Variants in ANO7 observed in about 807,000 individuals in gnomAD.
The protein encoded by ANO7 is anoctamin-7.
ANO7 carries 114 observed loss-of-function variants against 115.8 expected under a neutral mutation model. The ratio of observed to expected loss-of-function variants is 0.98; its 90% CI spans 0.85 to 1.15. The LOEUF (loss-of-function observed/expected upper bound fraction) is 1.15, where lower values mean the gene tolerates loss of function less well. Among genes scored for constraint, ANO7 ranks in the 50% most tolerant of loss-of-function variants. ANO7 has a pLI of 0.00. For synonymous variants in ANO7, 550 were observed against 498.2 expected, an observed-to-expected ratio of 1.10 and a Z score of -1.38; for missense variants, 1,302 against 1,201.2, an observed-to-expected ratio of 1.08 and a Z score of -1.24.
intron 3 of ANO7, among the ~76,000 whole-genome samples, chr2:241,195,216 T>G (rs547928003): frequency 1.3e-5 from 2 of 152,000 alleles, no homozygotes; most frequent in Non-Finnish European, 2.9e-5. Context: ...CAGGAGGAAG[T>G]GAAGGGAAGG....
At chr2:241,230,414 C>A, downstream of ANO7, 1 of 624,880 alleles carries the variant, frequency 1.6e-6, no homozygotes, top group East Asian at 2.7e-5. This position sits in a 1 kb window ranked among gnomAD's most constrained non-coding sequence, Gnocchi z 5.0. Flanking sequence ...CAGTCAGCCT[C>A]ATCACCACAC....
chr2:241,226,860 C>G (rs2069194199), downstream of ANO7, among the ~76,000 whole-genome samples: 1 of 152,152 alleles, frequency 6.6e-6, no homozygotes, highest in African/African-American at 2.4e-5. Context: ...GTGGCTCCTC[C>G]CACTCAACGC....
chr2:241,205,187 G>T (rs2068561400), intron 10 of ANO7, among the ~76,000 whole-genome samples: 1 of 152,096 alleles, frequency 6.6e-6, no homozygotes, highest in African/African-American at 2.4e-5. Flanking sequence ...GGACAGGAGT[G>T]CTCCCAGGCT....
chr2:241,203,504 T>G lies in ANO7; in HGVS notation c.889+6T>G. The stretch of plus-strand genomic sequence containing the variant: ...CCTCTACTTCGCCTGGCTCGGTGAG[T>G]CCCCCCCGCTGCCCCCCAGACCACC... On this transcript the variant is annotated splice_donor_region_variant and intron_variant, in intron 9 of 24. Coordinates refer to ENST00000674324, the MANE Select transcript of ANO7 (RefSeq NM_001370694.2). This position sits in a 1 kb window ranked among gnomAD's most constrained non-coding sequence, Gnocchi z 4.8. 6.8e-7 allele frequency: 1 copy of G among 1,463,684 alleles called. No individual in the cohort carries two copies. Among genetic ancestry groups the G allele is most frequent in the East Asian group, 2.7e-5 (1 of 36,902 alleles). 90.7% of individuals were successfully genotyped at this position (1,463,684 alleles called of 1,614,324 possible). A position where few individuals can be genotyped will look rare whatever the true frequency, so the allele number is the denominator to read the frequency against.
At chr2:241,218,780 C>T (rs906288350) in intron 21 of ANO7, among the ~76,000 whole-genome samples, 9 of 152,194 alleles carry the variant, frequency 5.9e-5, no homozygotes, top group Non-Finnish European at 1.2e-4. Flanking sequence ...GGGCTTACAA[C>T]TCTAAGGGTC....
the ANO7 span, chr2:241,235,613 T>C: frequency 2.5e-6 from 4 of 1,578,406 alleles, no homozygotes; most frequent in Admixed American, 1.7e-5. Context: ...AGGATGGTCA[T>C]GGTTAGGCCG....
the ANO7 span, among the ~76,000 whole-genome samples, chr2:241,237,427 G>A: frequency 6.6e-6 from 1 of 152,166 alleles, no homozygotes; most frequent in African/African-American, 2.4e-5. Context: ...TCACAAAACA[G>A]ACACAACAAT....
At chr2:241,196,729 G>T (rs1349074741) in intron 4 of ANO7, among the ~76,000 whole-genome samples, 1 of 152,244 alleles carries the variant, frequency 6.6e-6, no homozygotes, top group African/African-American at 2.4e-5. Flanking sequence ...CCTTGCCGCA[G>T]GCAGCTCACA....
Position 241,188,852 on chromosome 2 carries a change from G to A in ANO7, c.-8+86G>A, listed in dbSNP as rs1027298356. On this transcript the variant is annotated intron_variant, in intron 1 of 24. Transcript: ENST00000674324. The surrounding 1 kb of genome is among the most constrained non-coding windows in gnomAD (Gnocchi z 4.3). ...AGGCAGGGCGGCACCCCAGCCCACC[G>A]GGACTTTCACACACCCTGGCCTGTG... is the stretch of plus-strand genomic sequence containing the variant. 3.1e-5 allele frequency: 47 copies of A among 1,514,946 alleles called. No individual in the cohort carries two copies. The highest frequency in any genetic ancestry group is 2.9e-5 in the Non-Finnish European group (33 of 1,126,444). 93.8% of individuals were successfully genotyped at this position (1,514,946 alleles called of 1,614,324 possible).
At position 241,207,055 on chromosome 2, in the gene ANO7, G is replaced by GAC. The variant is rs1210139108; in HGVS notation, c.981-517_981-516dup. Among the ~76,000 whole-genome samples the GAC allele has an allele frequency of 8.8e-3, 1,111 of 125,602 alleles. 17 individuals are homozygous for GAC. The highest frequency in any genetic ancestry group is 0.013 in the Middle Eastern group (3 of 232). The allele number at this position is 125,602 out of a possible 152,430, so 82.4% of individuals were successfully genotyped here. A position where few individuals can be genotyped will look rare whatever the true frequency, so the allele number is the denominator to read the frequency against. On this transcript the variant is annotated intron_variant, in intron 10 of 24. Transcript: ENST00000674324. ...AGGTGGACAGGAGTGCTCCCAGGCT[G>GAC]ACAGGTGGACAGGAGTGCTCCCAGG...
chr2:241,196,357 C>A (rs1052310623), intron 4 of ANO7, among the ~76,000 whole-genome samples: 3 of 152,074 alleles, frequency 2.0e-5, no homozygotes, highest in African/African-American at 7.2e-5. Context: ...GCAGGTGGGG[C>A]TTGGGGCAGC....
Position 241,199,536 on chromosome 2 carries a change from G to A in ANO7, c.417+113G>A. On this transcript the variant is annotated intron_variant, in intron 5 of 24. Coordinates refer to ENST00000674324, the MANE Select transcript of ANO7 (RefSeq NM_001370694.2). ...GGGCTCCCTGCTCAGAGGCCTCAGG[G>A]GCTCCTCCTACCCACCCCGACACCA... is the stretch of plus-strand genomic sequence containing the variant. The A allele has an allele frequency of 9.5e-6, 10 of 1,051,926 alleles. No individual in the cohort carries two copies. The South Asian group carries it at 1.4e-4, about 15-fold the overall frequency. The allele number at this position is 1,051,926 out of a possible 1,614,324, so 65.2% of individuals were successfully genotyped here.
At chr2:241,222,271 T>TAAAG (rs2069040478) in intron 21 of ANO7, among the ~76,000 whole-genome samples, 1 of 140,080 alleles carries the variant, frequency 7.1e-6, no homozygotes, top group Non-Finnish European at 1.6e-5. Context: ...AATAAATAAA[T>TAAAG]AAAGTGCTGG....
chr2:241,193,881 CT>C (rs2068259248), intron 3 of ANO7, among the ~76,000 whole-genome samples: 1 of 152,030 alleles, frequency 6.6e-6, no homozygotes, highest in Non-Finnish European at 1.5e-5. Flanking sequence ...TTCTTTCTTT[CT>C]TTTTTTCTTT....
chr2:241,194,846 A>G (rs1007309272), intron 3 of ANO7, among the ~76,000 whole-genome samples: 2 of 152,174 alleles, frequency 1.3e-5, no homozygotes, highest in Non-Finnish European at 2.9e-5. Flanking sequence ...GCACAGTTTC[A>G]GGCATCCACC....
chr2:241,230,815 C>T (rs2069656321), downstream of ANO7: 1 of 1,614,236 alleles, frequency 6.2e-7, no homozygotes, highest in Non-Finnish European at 8.5e-7. The surrounding 1 kb of genome is among the most constrained non-coding windows in gnomAD (Gnocchi z 5.0). Context: ...ATGATGCGGG[C>T]GTGAACGCGG....
At chr2:241,236,409 C>G in the ANO7 span, 8 of 597,104 alleles carry the variant, frequency 1.3e-5, no homozygotes, top group Non-Finnish European at 2.1e-5. Flanking sequence ...CTATAGAACC[C>G]CGAGCCTTGG....
At chr2:241,191,050 A>G in intron 2 of ANO7, 144 bp from the exon 3 acceptor site, 2 of 924,198 alleles carry the variant, frequency 2.2e-6, no homozygotes, top group Non-Finnish European at 3.4e-6. Flanking sequence ...CACCCGCCGA[A>G]CATTCTTCTG....
chr2:241,212,723 A>C, intron 17 of ANO7, 97 bp downstream of exon 17: 1 of 1,348,590 alleles, frequency 7.4e-7, no homozygotes, highest in Non-Finnish European at 1.0e-6. Context: ...AATTCCTCCC[A>C]CCACCGGCTA....
Sources: gnomAD v4.1 joint callset for allele counts (sites outside exome capture counted in the v4.1 genomes callset) on GRCh38, gnomAD v4.1.1 for gene constraint, Gnocchi (gnomAD v3.1) non-coding constraint, MANE v1.5 for transcripts, NCBI Gene and HGNC (gene_info 2026-07-23, HGNC 2026-07-21) for gene names.